NRXN3: variants seen among roughly 807,000 people sequenced by gnomAD.
NRXN3 encodes the protein neurexin 3.
In NRXN3, 32 loss-of-function variants were observed where a neutral mutation model predicts 137.6. The observed-to-expected ratio is 0.23, with a 90% confidence interval of 0.18 to 0.31. The LOEUF is 0.31. NRXN3 is among the 10% of genes least tolerant of loss of function. The probability of loss-of-function intolerance (pLI) is 1.00; values close to 1 mark genes in which losing one functional copy is unlikely to be tolerated. For synonymous variants in NRXN3, 798 were observed against 784.5 expected (o/e 1.02, Z -0.29); for missense variants, 1,574 against 2,062.5 (o/e 0.76, Z 4.59).
intron 1 of NRXN3, among the ~76,000 whole-genome samples, chr14:78,171,667 T>G (rs1014906498): frequency 2.7e-5 from 4 of 150,558 alleles, no homozygotes; most frequent in Admixed American, 1.3e-4. Flanking sequence ...CCATCCCTTC[T>G]TAGGCCAGTG....
At chr14:78,871,265 G>T (rs2099100650) in intron 10 of NRXN3, among the ~76,000 whole-genome samples, 1 of 151,676 alleles carries the variant, frequency 6.6e-6, no homozygotes, top group Non-Finnish European at 1.5e-5. Flanking sequence ...ACTGGGGTGA[G>T]ATGACGTCTT....
chr14:78,807,250 A>G (rs2153089021), intron 9 of NRXN3, among the ~76,000 whole-genome samples: 1 of 152,332 alleles, frequency 6.6e-6, no homozygotes, highest in Non-Finnish European at 1.5e-5. Flanking sequence ...GAGTGCCAGG[A>G]GCCCTTCTTC....
chr14:78,612,017 C>T (rs768427052), intron 4 of NRXN3, among the ~76,000 whole-genome samples: 28 of 152,306 alleles, frequency 1.8e-4, no homozygotes, highest in Non-Finnish European at 5.9e-5. Context: ...TGCAGAAGGG[C>T]GTGGTGTGCT....
At chr14:78,605,980 A>G (rs2097248943) in intron 4 of NRXN3, among the ~76,000 whole-genome samples, 1 of 152,144 alleles carries the variant, frequency 6.6e-6, no homozygotes, top group Non-Finnish European at 1.5e-5. Flanking sequence ...TAGCAGAATG[A>G]CAAAATGTGT....
rs557184474 is a variant in NRXN3, at chr14:79,185,567, G to T, written c.3262+197426G>T. Among the ~76,000 whole-genome samples, 4 of 151,018 alleles carry T rather than the reference G, an allele frequency of 2.6e-5. No homozygotes were observed. The South Asian group carries it at 6.3e-4, about 24-fold the overall frequency. On this transcript the variant is annotated intron_variant, in intron 15 of 20. Transcript: ENST00000335750. ...TGCAAGCTCCAGCTCCTGGGTTCACGCCATTCTCCTGCCTCAGCCTCCCGA... is the reference window on the plus strand; with the variant it reads ...TGCAAGCTCCAGCTCCTGGGTTCACTCCATTCTCCTGCCTCAGCCTCCCGA...
intron 4 of NRXN3, among the ~76,000 whole-genome samples, chr14:78,477,065 A>G (rs2095392483): frequency 6.6e-6 from 1 of 151,778 alleles, no homozygotes; most frequent in African/African-American, 2.4e-5. Context: ...AACTTTGTAC[A>G]CTCTGCTGTA....
At chr14:79,855,696 G>C (rs1304739268) in intron 20 of NRXN3, among the ~76,000 whole-genome samples, 1 of 152,120 alleles carries the variant, frequency 6.6e-6, no homozygotes, top group Non-Finnish European at 1.5e-5. Context: ...TTAGAAGAAA[G>C]TGATTATGTA....
intron 15 of NRXN3, among the ~76,000 whole-genome samples, chr14:79,168,828 T>C (rs976873421): frequency 6.6e-6 from 1 of 152,098 alleles, no homozygotes; most frequent in Non-Finnish European, 1.5e-5. Flanking sequence ...TATCATGAAA[T>C]GTAATACCTA....
chr14:78,978,499 T>C (rs1227051768), intron 14 of NRXN3, among the ~76,000 whole-genome samples: 1 of 152,020 alleles, frequency 6.6e-6, no homozygotes, highest in Non-Finnish European at 1.5e-5. Flanking sequence ...TCTTATGTTG[T>C]CTGTAAATGA....
At chr14:79,559,334 C>T (rs79624054) in intron 16 of NRXN3, among the ~76,000 whole-genome samples, 11,083 of 152,146 alleles carry the variant, frequency 0.073, 429 homozygotes, top group South Asian at 0.13. Context: ...ACATGAGACT[C>T]TTCCTTTCCC....
intron 15 of NRXN3, among the ~76,000 whole-genome samples, chr14:79,189,306 G>GCA (rs2063940617): frequency 6.8e-6 from 1 of 148,128 alleles, no homozygotes; most frequent in Admixed American, 6.9e-5. Context: ...CAAACACCAT[G>GCA]TATTCTCACT....
intron 4 of NRXN3, among the ~76,000 whole-genome samples, chr14:78,625,775 A>G (rs74703078): frequency 0.01 from 1,527 of 152,350 alleles, 30 homozygotes; most frequent in African/African-American, 0.035. Flanking sequence ...CAGAGAAGGC[A>G]TCAATTGATG....
chr14:79,545,618 G>A (rs900331254), intron 16 of NRXN3, among the ~76,000 whole-genome samples: 2 of 151,722 alleles, frequency 1.3e-5, no homozygotes, highest in African/African-American at 4.8e-5. Flanking sequence ...TCTTTCATGG[G>A]GGAGGTACAT....
At chr14:78,274,643 C>G (rs958287324) in intron 2 of NRXN3, among the ~76,000 whole-genome samples, 8 of 152,180 alleles carry the variant, frequency 5.3e-5, no homozygotes, top group Admixed American at 3.9e-4. Flanking sequence ...AGCATATGCA[C>G]TTGTGGCTGA....
At chr14:79,070,154 C>T (rs572456974) in intron 15 of NRXN3, among the ~76,000 whole-genome samples, 20 of 152,212 alleles carry the variant, frequency 1.3e-4, no homozygotes, top group South Asian at 6.2e-4. Flanking sequence ...TATGTTTGTT[C>T]GGGATAGCAC....
At position 79,675,670 on chromosome 14, in the gene NRXN3, A is replaced by G. The variant is rs535010547; in HGVS notation, c.3616+11721A>G. On this transcript the variant is annotated intron_variant, in intron 17 of 20. Coordinates refer to ENST00000335750, the MANE Select transcript of NRXN3 (RefSeq NM_001330195.2). ...CCTACTGGTGAGGTTAATTCAGGATAAAGAAATAAAGAGATACAATATGTA... is the reference window on the plus strand; with the variant it reads ...CCTACTGGTGAGGTTAATTCAGGATGAAGAAATAAAGAGATACAATATGTA... 2.6e-5 allele frequency among the ~76,000 whole-genome samples: 4 copies of G among 152,228 alleles called. No homozygotes were observed. In the East Asian group the frequency reaches 7.7e-4, roughly 29 times the overall value.
intron 15 of NRXN3, among the ~76,000 whole-genome samples, chr14:79,167,951 T>C (rs1008840982): frequency 6.6e-6 from 1 of 151,258 alleles, no homozygotes; most frequent in Non-Finnish European, 1.5e-5. Flanking sequence ...TTTTTTTTTT[T>C]TACCTTCAGG....
intron 15 of NRXN3, among the ~76,000 whole-genome samples, chr14:79,036,688 A>G (rs1183170622): frequency 6.8e-6 from 1 of 147,370 alleles, no homozygotes; most frequent in Non-Finnish European, 1.5e-5. Context: ...GTGGTTTATG[A>G]TAACGACAGT....
intron 16 of NRXN3, among the ~76,000 whole-genome samples, chr14:79,522,711 C>T (rs140327230): frequency 4.6e-5 from 7 of 152,220 alleles, no homozygotes; most frequent in Non-Finnish European, 1.0e-4. Context: ...TTAGCTGTTC[C>T]ATGGGGAGTT....
Sources: gnomAD v4.1 joint callset for allele counts (sites outside exome capture counted in the v4.1 genomes callset) on GRCh38, gnomAD v4.1.1 for gene constraint, MANE v1.5 for transcripts, NCBI Gene and HGNC (gene_info 2026-07-23, HGNC 2026-07-21) for gene names.